GRIK1: variants seen among roughly 807,000 people sequenced by gnomAD.
The protein encoded by GRIK1 is glutamate receptor ionotropic, kainate 1.
A neutral mutation model predicts 105.7 loss-of-function variants in GRIK1; 69 were observed. That is an observed-to-expected ratio of 0.65 (90% CI 0.54 to 0.80). GRIK1 has a LOEUF of 0.80. Among genes scored for constraint, GRIK1 ranks in the 30% least tolerant of loss-of-function variants. The pLI is 0.00. For synonymous variants in GRIK1, 438 were observed against 431.3 expected (o/e 1.02, Z -0.19); for missense variants, 1,109 against 1,167.3 (o/e 0.95, Z 0.73).
intron 1 of GRIK1, among the ~76,000 whole-genome samples, chr21:29,862,030 A>C (rs928593107): frequency 1.3e-5 from 2 of 152,198 alleles, no homozygotes; most frequent in Non-Finnish European, 2.9e-5. Flanking sequence ...AGTCTTGCCC[A>C]GGCTGTGGTG....
At chr21:29,712,518 T>C (rs772606163) in intron 1 of GRIK1, among the ~76,000 whole-genome samples, 35 of 152,264 alleles carry the variant, frequency 2.3e-4, no homozygotes, top group Non-Finnish European at 4.6e-4. Flanking sequence ...ATGAAAGTAC[T>C]CATTTCTCTA....
chr21:29,710,799 CCTTCCT>C (rs2064030539), intron 1 of GRIK1, among the ~76,000 whole-genome samples: 1 of 70,706 alleles, frequency 1.4e-5, no homozygotes, highest in Non-Finnish European at 2.3e-5. Flanking sequence ...CTCCTTCCTT[CCTTCCT>C]TCCTTCCTTC....
At chr21:29,780,981 A>T (rs150472660) in intron 1 of GRIK1, among the ~76,000 whole-genome samples, 1 of 152,298 alleles carries the variant, frequency 6.6e-6, no homozygotes, top group South Asian at 2.1e-4. Context: ...GATTATAGAT[A>T]TAACACATTC....
intron 1 of GRIK1, among the ~76,000 whole-genome samples, chr21:29,883,982 A>T (rs1345646332): frequency 6.6e-6 from 1 of 152,004 alleles, no homozygotes; most frequent in Non-Finnish European, 1.5e-5. Context: ...ACTCTTCCTA[A>T]AAAGAAGGGG....
chr21:29,656,423 C>T (rs897880728), intron 4 of GRIK1, among the ~76,000 whole-genome samples: 1 of 137,826 alleles, frequency 7.3e-6, no homozygotes, highest in Admixed American at 7.5e-5. Context: ...AATCACATTT[C>T]CAAGGTAGTT....
intron 7 of GRIK1, among the ~76,000 whole-genome samples, chr21:29,620,967 T>C (rs1437753966): frequency 6.8e-6 from 1 of 147,036 alleles, no homozygotes; most frequent in African/African-American, 2.5e-5. Flanking sequence ...ATTCTACATA[T>C]ACAGAATTTG....
chr21:29,576,440 T>C (rs896266836), intron 14 of GRIK1, among the ~76,000 whole-genome samples: 4 of 152,220 alleles, frequency 2.6e-5, no homozygotes, highest in Admixed American at 2.6e-4. Context: ...GACTCAGTAT[T>C]AGACCAGAGT....
At chr21:29,880,309 G>C (rs2069358298) in intron 1 of GRIK1, among the ~76,000 whole-genome samples, 1 of 151,984 alleles carries the variant, frequency 6.6e-6, no homozygotes, top group South Asian at 2.1e-4. Flanking sequence ...ATGTTTCTTT[G>C]AATCAGAATG....
At position 29,588,999 on chromosome 21, in the gene GRIK1, T is replaced by C; in HGVS notation, c.1409A>G (p.Tyr470Cys). ...VMYRKSDKPL[Y>C]GNDRFEGYCL... ...ATATCCTTCAAATCTGTCATTTCCA[T>C]ATAGAGGCTTATCAGATTTCCTGTA... The change falls in exon 11 of 18, where the codon TAT becomes TGT. Residue 470 changes from tyrosine (Y) to cysteine (C), a missense_variant. By Grantham distance (194) the Tyr-to-Cys change is radical (BLOSUM62 -2). Transcript: ENST00000327783. 2 of 1,603,850 alleles carry C rather than the reference T, an allele frequency of 1.2e-6. No individual in the cohort carries two copies. The highest frequency in any genetic ancestry group is 8.5e-7 in the Non-Finnish European group (1 of 1,170,612).
chr21:29,921,577 A>G (rs1194786135), intron 1 of GRIK1, among the ~76,000 whole-genome samples: 3 of 152,190 alleles, frequency 2.0e-5, no homozygotes, highest in Admixed American at 6.5e-5. Flanking sequence ...AAGTCTTTTG[A>G]ATTTGGTTCT....
Position 29,651,192 on chromosome 21 carries a change from T to C in GRIK1, c.880A>G (p.Ile294Val). 1 of 1,613,826 alleles carries C rather than the reference T, an allele frequency of 6.2e-7. No individual in the cohort carries two copies. Among genetic ancestry groups the C allele is most frequent in the Non-Finnish European group, 8.5e-7 (1 of 1,179,732 alleles). The change falls in exon 6 of 18, where the codon ATT (isoleucine) becomes GTT (valine). Residue 294 changes from isoleucine (I) to valine (V), a missense_variant. Physicochemically the swap from Ile to Val is conservative, Grantham distance 29. Coordinates refer to ENST00000327783, the MANE Select transcript of GRIK1 (RefSeq NM_001330994.2). ...AGTCTCTCCATGGACCACTTCTCAA[T>C]GATGGATGACACGTGAGGGTTGTCA... The part of the protein sequence containing the change: ...NIDNPHVSSI[I>V]EKWSMERLQA...
chr21:29,561,334 A>C (rs1454039421), intron 15 of GRIK1, among the ~76,000 whole-genome samples: 2 of 152,210 alleles, frequency 1.3e-5, no homozygotes, highest in African/African-American at 4.8e-5. Flanking sequence ...GATTAATTAG[A>C]AATATATTCT....
intron 11 of GRIK1, among the ~76,000 whole-genome samples, chr21:29,588,279 G>A (rs967873410): frequency 2.0e-5 from 3 of 152,062 alleles, no homozygotes; most frequent in Non-Finnish European, 4.4e-5. Context: ...TTTATGTTCA[G>A]TATGAAAGAA....
At chr21:29,836,089 A>G (rs1312105102) in intron 1 of GRIK1, among the ~76,000 whole-genome samples, 1 of 152,218 alleles carries the variant, frequency 6.6e-6, no homozygotes, top group Non-Finnish European at 1.5e-5. Flanking sequence ...TATTACAAGC[A>G]CATTCATTTC....
At chr21:29,882,611 T>C (rs2069460661) in intron 1 of GRIK1, among the ~76,000 whole-genome samples, 1 of 152,088 alleles carries the variant, frequency 6.6e-6, no homozygotes, top group Non-Finnish European at 1.5e-5. Flanking sequence ...TGGAATATCA[T>C]GCGCAAAGAA....
At chr21:29,772,432 C>T (rs1169169322) in intron 1 of GRIK1, among the ~76,000 whole-genome samples, 1 of 152,200 alleles carries the variant, frequency 6.6e-6, no homozygotes, top group African/African-American at 2.4e-5. Flanking sequence ...CTTTCCAATA[C>T]ACTAGTGTAA....
intron 1 of GRIK1, among the ~76,000 whole-genome samples, chr21:29,757,666 G>C (rs1416610852): frequency 2.0e-5 from 3 of 152,202 alleles, no homozygotes; most frequent in African/African-American, 4.8e-5. Context: ...GTGTGTACCA[G>C]ATAATCAATT....
chr21:29,689,456 T>C (rs749213757), intron 3 of GRIK1, among the ~76,000 whole-genome samples: 101 of 152,216 alleles, frequency 6.6e-4, no homozygotes, highest in Non-Finnish European at 1.2e-3. Context: ...ATATTGTGAT[T>C]GGATTATAAC....
Position 29,537,253 on chromosome 21 carries a change from G to A in GRIK1, c.2827C>T (p.Gln943Ter), listed in dbSNP as rs2089893749. 1.2e-6 allele frequency: 2 copies of A among 1,607,980 alleles called. No individual in the cohort carries two copies. The highest frequency in any genetic ancestry group is 4.5e-5 in the East Asian group (2 of 44,712). ...GATCACGCCACAGTCTCTTTTCTCT[G>A]AGTTCGTCTCTGATGACAAGTAAGG... is the stretch of plus-strand genomic sequence containing the variant. ...SILTCHQRRT[Q>*]RKETVA The change falls in exon 18 of 18, where the codon CAG becomes TAG. Residue 943 changes from glutamine to a stop codon, truncating the protein, a stop_gained. Coordinates refer to ENST00000327783, the MANE Select transcript of GRIK1 (RefSeq NM_001330994.2). LOFTEE classifies it high-confidence loss of function.
Sources: gnomAD v4.1 joint callset for allele counts (sites outside exome capture counted in the v4.1 genomes callset) on GRCh38, gnomAD v4.1.1 for gene constraint, MANE v1.5 for transcripts, NCBI Gene and HGNC (gene_info 2026-07-23, HGNC 2026-07-21) for gene names.